The following USP34 variants were observed in gnomAD, a reference collection of about 807,000 sequenced individuals.
USP34 encodes the protein ubiquitin specific peptidase 34.
USP34 carries 70 observed loss-of-function variants against 460.3 expected under a neutral mutation model. That is an observed-to-expected ratio of 0.15 (90% CI 0.13 to 0.19). USP34 has a LOEUF of 0.19. Among genes scored for constraint, USP34 ranks in the 10% least tolerant of loss-of-function variants. USP34 has a pLI of 1.00. For missense variants in USP34, 3,985 were observed against 4,236.2 expected, an observed-to-expected ratio of 0.94 and a Z score of 1.65; for synonymous variants, 1,647 against 1,405.3, an observed-to-expected ratio of 1.17 and a Z score of -3.85.
chr2:61,412,566 C>G (rs190428730), intron 2 of USP34, among the ~76,000 whole-genome samples: 1 of 151,802 alleles, frequency 6.6e-6, no homozygotes, highest in Non-Finnish European at 1.5e-5. Context: ...AAAATGAAAT[C>G]TCCCACAAAA....
Position 61,330,403 on chromosome 2 carries a change from A to T in USP34, c.2930+873T>A, listed in dbSNP as rs549202725. ...GCAAGTGGGAGGATAGCTGCACCCT[A>T]AAGGACACAGTAAAAATAAAATCTA... On this transcript the variant is annotated intron_variant, in intron 20 of 79. Coordinates refer to ENST00000398571, the MANE Select transcript of USP34 (RefSeq NM_014709.4). 4.6e-5 allele frequency among the ~76,000 whole-genome samples: 7 copies of T among 152,304 alleles called. No homozygotes were observed. In the South Asian group the frequency reaches 1.5e-3, roughly 32 times the overall value.
intron 15 of USP34, among the ~76,000 whole-genome samples, chr2:61,344,378 T>C (rs2593633): frequency 0.37 from 55,969 of 152,050 alleles, 10,299 homozygotes; most frequent in African/African-American, 0.39. Context: ...TTTTTACAAC[T>C]GTAGAATCAA....
At chr2:61,351,344 G>T (rs183387219) in intron 10 of USP34, among the ~76,000 whole-genome samples, 2 of 151,978 alleles carry the variant, frequency 1.3e-5, no homozygotes, top group South Asian at 2.1e-4. Flanking sequence ...CCCTTATAAA[G>T]ATCTATAAAA....
intron 57 of USP34, among the ~76,000 whole-genome samples, chr2:61,235,257 T>C (rs1158353148): frequency 2.6e-5 from 4 of 152,114 alleles, no homozygotes; most frequent in Non-Finnish European, 5.9e-5. Flanking sequence ...TAAGAAATAT[T>C]TGGAAGACTC....
intron 58 of USP34, among the ~76,000 whole-genome samples, chr2:61,231,704 ACT>A (rs1687911070): frequency 6.6e-6 from 1 of 151,804 alleles, no homozygotes; most frequent in South Asian, 2.1e-4. Flanking sequence ...ACAGAACAAG[ACT>A]CTGTCTAAAA....
chr2:61,189,094 T>C, intron 78 of USP34, 25 bp from the exon 79 acceptor site: 1 of 1,596,734 alleles, frequency 6.3e-7, no homozygotes, highest in Non-Finnish European at 8.5e-7. Context: ...ATAGGAACAT[T>C]TCAAATTCTA....
In USP34 at chr2:61,410,636, C is replaced by G. The variant is rs148619200; in HGVS notation, c.132-4508G>C. 5.9e-3 allele frequency among the ~76,000 whole-genome samples: 900 copies of G among 152,270 alleles called. 8 individuals are homozygous for G. The highest frequency in any genetic ancestry group is 0.02 in the African/African-American group (848 of 41,536). On this transcript the variant is annotated intron_variant, in intron 2 of 79. Transcript: ENST00000398571. Reference sequence around the variant, plus strand: ...GAATTTTTTTTAGCTACAAGCTTCACCAAAACCAGCTTGATTTTACACATA... The same window carrying G: ...GAATTTTTTTTAGCTACAAGCTTCAGCAAAACCAGCTTGATTTTACACATA...
At chr2:61,344,778 G>T (rs928416668) in intron 15 of USP34, among the ~76,000 whole-genome samples, 3 of 152,132 alleles carry the variant, frequency 2.0e-5, no homozygotes, top group African/African-American at 7.2e-5. Context: ...TATCTATAAT[G>T]CAAGATAGTG....
intron 10 of USP34, among the ~76,000 whole-genome samples, chr2:61,356,103 C>T (rs1262860515): frequency 6.6e-6 from 1 of 152,022 alleles, no homozygotes; most frequent in Admixed American, 6.6e-5. Flanking sequence ...TCTGTACTCC[C>T]ATGATCACTA....
intron 43 of USP34, among the ~76,000 whole-genome samples, chr2:61,263,890 C>G (rs1688971327): frequency 6.6e-6 from 1 of 151,596 alleles, no homozygotes; most frequent in African/African-American, 2.4e-5. Flanking sequence ...TAGTTTTTAA[C>G]TAAAAATACC....
intron 25 of USP34, among the ~76,000 whole-genome samples, chr2:61,312,139 T>G (rs1333401874): frequency 3.3e-5 from 5 of 149,644 alleles, no homozygotes; most frequent in African/African-American, 1.2e-4. Context: ...GAGAAATTAC[T>G]GAGGAAAAAA....
At chr2:61,412,189 C>CAAAAAAAA (rs10581550) in intron 2 of USP34, among the ~76,000 whole-genome samples, 1 of 92,120 alleles carries the variant, frequency 1.1e-5, no homozygotes, top group Non-Finnish European at 2.2e-5. Context: ...AACTCCATCT[C>CAAAAAAAA]AAAAAAAAAA....
intron 22 of USP34, 116 bp downstream of exon 22, chr2:61,319,057 A>T: frequency 2.0e-6 from 2 of 1,002,424 alleles, no homozygotes; most frequent in Non-Finnish European, 2.8e-6. Context: ...AAAATTCATT[A>T]CATTTGGCTA....
At chr2:61,397,469 G>A (rs1693570766) in intron 3 of USP34, among the ~76,000 whole-genome samples, 1 of 147,364 alleles carries the variant, frequency 6.8e-6, no homozygotes, top group African/African-American at 2.5e-5. Flanking sequence ...AATTCACGCT[G>A]AAAAGACTGC....
At chr2:61,333,817 C>T (rs571425661) in intron 19 of USP34, 65 bp downstream of exon 19, 1 of 1,141,950 alleles carries the variant, frequency 8.8e-7, no homozygotes, top group Admixed American at 3.1e-5. Context: ...TTAGTCAAAA[C>T]CTTTAGATAA....
In USP34 at chr2:61,375,314, G is replaced by C. The variant is rs1485979668; in HGVS notation, c.1076+3049C>G. On this transcript the variant is annotated intron_variant, in intron 8 of 79. Transcript: ENST00000398571. ...GCTAGTGGGGATGTAAAATAATGCA[G>C]GTATACTGGAAAACAGTTTGACAGC... is the stretch of plus-strand genomic sequence containing the variant. Among the ~76,000 whole-genome samples the C allele has an allele frequency of 4.6e-5, 7 of 152,190 alleles. No homozygotes were observed. In the East Asian group the frequency reaches 1.4e-3, roughly 29 times the overall value.
At chr2:61,258,285 C>T (rs1688775613) in intron 44 of USP34, among the ~76,000 whole-genome samples, 1 of 152,150 alleles carries the variant, frequency 6.6e-6, no homozygotes, top group African/African-American at 2.4e-5. Flanking sequence ...GATGGTGCCA[C>T]TGAACTCTAG....
chr2:61,314,247 G>A (rs1558525306), intron 25 of USP34, among the ~76,000 whole-genome samples: 1 of 151,820 alleles, frequency 6.6e-6, no homozygotes, highest in South Asian at 2.1e-4. Flanking sequence ...AAGAGTTTTA[G>A]AGAAACTTTT....
intron 10 of USP34, among the ~76,000 whole-genome samples, chr2:61,359,848 G>T (rs1266672458): frequency 7.1e-6 from 1 of 140,956 alleles, no homozygotes; most frequent in African/African-American, 2.6e-5. Flanking sequence ...TCGGCTGGGT[G>T]ATCTCGGCTC....
Sources: gnomAD v4.1 joint callset for allele counts (sites outside exome capture counted in the v4.1 genomes callset) on GRCh38, gnomAD v4.1.1 for gene constraint, MANE v1.5 for transcripts, NCBI Gene and HGNC (gene_info 2026-07-23, HGNC 2026-07-21) for gene names.